The following KLHL1 variants were observed in gnomAD, a reference collection of about 807,000 sequenced individuals.
KLHL1 encodes kelch like family member 1.
KLHL1 carries 47 observed loss-of-function variants against 77.7 expected under a neutral mutation model. The observed-to-expected ratio is 0.60, with a 90% CI of 0.48 to 0.77. KLHL1 has a LOEUF of 0.77. Ranked by LOEUF, KLHL1 falls within the 30% of genes least tolerant of loss-of-function variation. The probability of loss-of-function intolerance (pLI) is 0.00; values close to 1 mark genes in which losing one functional copy is unlikely to be tolerated. For missense variants in KLHL1, 925 were observed against 910.8 expected, an observed-to-expected ratio of 1.02 and a Z score of -0.20; for synonymous variants, 360 against 325.2, an observed-to-expected ratio of 1.11 and a Z score of -1.15.
intron 7 of KLHL1, among the ~76,000 whole-genome samples, chr13:69,785,514 G>T (rs965912275): frequency 1.3e-5 from 2 of 151,966 alleles, no homozygotes; most frequent in African/African-American, 4.8e-5. Flanking sequence ...CAGTGTGTGG[G>T]TAGAGGGAAA....
At chr13:69,968,208 C>G (rs567566282) in intron 2 of KLHL1, among the ~76,000 whole-genome samples, 5 of 152,020 alleles carry the variant, frequency 3.3e-5, no homozygotes, top group Non-Finnish European at 5.9e-5. Flanking sequence ...CCAGAAGGCT[C>G]AGATGATTGT....
At chr13:69,805,977 A>T (rs1284086885) in intron 6 of KLHL1, among the ~76,000 whole-genome samples, 2 of 152,112 alleles carry the variant, frequency 1.3e-5, no homozygotes, top group Admixed American at 6.6e-5. Context: ...GATATTAAAA[A>T]GTATATAACT....
chr13:69,723,328 G>A (rs1458735154), intron 8 of KLHL1, among the ~76,000 whole-genome samples: 1 of 151,994 alleles, frequency 6.6e-6, no homozygotes, highest in African/African-American at 2.4e-5. Context: ...GGATTTGAAT[G>A]TTCTCACAAC....
intron 5 of KLHL1, among the ~76,000 whole-genome samples, chr13:69,846,682 C>T (rs1419845152): frequency 4.0e-5 from 6 of 151,190 alleles, no homozygotes; most frequent in African/African-American, 7.3e-5. Context: ...AAATTTGTTA[C>T]TATAATACAC....
chr13:69,827,459 T>C (rs1375192062), intron 6 of KLHL1, among the ~76,000 whole-genome samples: 1 of 152,012 alleles, frequency 6.6e-6, no homozygotes, highest in African/African-American at 2.4e-5. Flanking sequence ...TGTCAGGGCA[T>C]GGTGGCTCAC....
intron 2 of KLHL1, among the ~76,000 whole-genome samples, chr13:69,965,393 G>A (rs1458799612): frequency 2.0e-5 from 3 of 152,142 alleles, no homozygotes; most frequent in African/African-American, 7.2e-5. Flanking sequence ...GTTTGGCGGT[G>A]TCATAAACTA....
chr13:70,017,801 C>T (rs574463655), intron 1 of KLHL1, among the ~76,000 whole-genome samples: 3 of 152,270 alleles, frequency 2.0e-5, no homozygotes, highest in African/African-American at 7.2e-5. Context: ...TTATGTAGAG[C>T]TTAAGTGAAA....
intron 1 of KLHL1, among the ~76,000 whole-genome samples, chr13:70,003,845 C>A (rs554479350): frequency 6.6e-6 from 1 of 151,494 alleles, no homozygotes; most frequent in South Asian, 2.1e-4. Context: ...CGATATATTA[C>A]GAGACTATTG....
At chr13:69,944,134 C>T (rs1271772857) in intron 3 of KLHL1, among the ~76,000 whole-genome samples, 4 of 152,216 alleles carry the variant, frequency 2.6e-5, no homozygotes, top group African/African-American at 9.6e-5. Flanking sequence ...AATCGACTCA[C>T]TGTGCCTAAA....
chr13:69,865,277 T>G (rs924936839), intron 5 of KLHL1, among the ~76,000 whole-genome samples: 2 of 152,010 alleles, frequency 1.3e-5, no homozygotes, highest in Admixed American at 1.3e-4. Flanking sequence ...GTTAATTAAG[T>G]GTATGCATGT....
At chr13:70,081,043 TC>T (rs1236392265) in intron 1 of KLHL1, among the ~76,000 whole-genome samples, 6 of 152,118 alleles carry the variant, frequency 3.9e-5, no homozygotes, top group Non-Finnish European at 7.4e-5. Flanking sequence ...TTGCATAAAA[TC>T]CTTAGAAATT....
chr13:69,880,698 C>A (rs866902133), intron 5 of KLHL1, among the ~76,000 whole-genome samples: 1 of 152,036 alleles, frequency 6.6e-6, no homozygotes, highest in South Asian at 2.1e-4. Flanking sequence ...TAACTGATGA[C>A]AGAAGAGTTG....
intron 3 of KLHL1, among the ~76,000 whole-genome samples, chr13:69,960,706 A>G (rs201021544): frequency 7.0e-5 from 6 of 85,412 alleles, no homozygotes; most frequent in Middle Eastern, 5.7e-3. Flanking sequence ...ATACTTGTAT[A>G]TTGAGTAACA....
intron 1 of KLHL1, among the ~76,000 whole-genome samples, chr13:70,074,919 A>G (rs946797221): frequency 3.3e-5 from 5 of 152,198 alleles, no homozygotes; most frequent in African/African-American, 1.2e-4. Context: ...GTAAAAAATC[A>G]ATATATGCTC....
At chr13:69,789,199 C>A (rs966660649) in intron 7 of KLHL1, among the ~76,000 whole-genome samples, 2 of 152,018 alleles carry the variant, frequency 1.3e-5, no homozygotes, top group African/African-American at 4.8e-5. Context: ...TAGGATCGAT[C>A]TATGCTATCA....
At chr13:69,770,240 C>T (rs1034652307) in intron 7 of KLHL1, among the ~76,000 whole-genome samples, 1 of 152,174 alleles carries the variant, frequency 6.6e-6, no homozygotes, top group African/African-American at 2.4e-5. Flanking sequence ...CAGATGTGGG[C>T]AAAGCCCAGA....
chr13:70,052,951 C>T (rs1235052415), intron 1 of KLHL1, among the ~76,000 whole-genome samples: 1 of 151,882 alleles, frequency 6.6e-6, no homozygotes, highest in Non-Finnish European at 1.5e-5. Context: ...GATATGGACT[C>T]ATGAAAAAAT....
intron 4 of KLHL1, among the ~76,000 whole-genome samples, chr13:69,893,282 C>T (rs1457753865): frequency 1.4e-5 from 2 of 146,578 alleles, no homozygotes; most frequent in African/African-American, 5.0e-5. Context: ...GGCCGGACTG[C>T]GGACTGCAGT....
intron 1 of KLHL1, among the ~76,000 whole-genome samples, chr13:70,094,794 C>G (rs538726252): frequency 6.6e-6 from 1 of 152,258 alleles, no homozygotes; most frequent in South Asian, 2.1e-4. Flanking sequence ...CATTGCAATT[C>G]CATCACTATC....
Sources: allele counts gnomAD v4.1 joint callset (sites outside exome capture counted in the v4.1 genomes callset), GRCh38; gene constraint gnomAD v4.1.1; transcripts MANE v1.5; gene names NCBI Gene and HGNC (gene_info 2026-07-23, HGNC 2026-07-21).